The following MCTP2 variants were observed in gnomAD, a reference collection of about 807,000 sequenced individuals.
The protein encoded by MCTP2 is multiple C2 and transmembrane domain-containing protein 2.
MCTP2 carries 132 observed loss-of-function variants against 111.6 expected under a neutral mutation model. The observed-to-expected ratio is 1.18, with a 90% CI of 1.03 to 1.37. The LOEUF (loss-of-function observed/expected upper bound fraction) is 1.37. Among genes scored for constraint, MCTP2 ranks in the 40% most tolerant of loss-of-function variants. The pLI is 0.00. For missense variants in MCTP2, 1,183 were observed against 1,067.9 expected, an observed-to-expected ratio of 1.11 and a Z score of -1.50; for synonymous variants, 395 against 387.7, an observed-to-expected ratio of 1.02 and a Z score of -0.22.
chr15:94,383,076 C>G (rs988949848), intron 12 of MCTP2, among the ~76,000 whole-genome samples: 52 of 152,100 alleles, frequency 3.4e-4, no homozygotes, highest in African/African-American at 1.2e-3. Context: ...GTTAAAAACT[C>G]TGACCTTTAT....
intron 12 of MCTP2, among the ~76,000 whole-genome samples, chr15:94,381,665 A>G (rs2080145583): frequency 6.6e-6 from 1 of 152,218 alleles, no homozygotes; most frequent in Non-Finnish European, 1.5e-5. Flanking sequence ...GCTGACACCT[A>G]CTAATAGTCT....
chr15:94,425,905 C>T (rs991869689), intron 17 of MCTP2, among the ~76,000 whole-genome samples: 8 of 152,096 alleles, frequency 5.3e-5, no homozygotes, highest in African/African-American at 1.7e-4. Flanking sequence ...AAGGCTCAGG[C>T]AACTTTAGAG....
chr15:94,243,863 A>G (rs982107109), intron 1 of MCTP2, among the ~76,000 whole-genome samples: 1 of 147,494 alleles, frequency 6.8e-6, no homozygotes, highest in African/African-American at 2.5e-5. Context: ...GTATACACAT[A>G]CATATGTGTA....
At chr15:94,416,017 T>G (rs1351722665) in intron 17 of MCTP2, among the ~76,000 whole-genome samples, 2 of 152,126 alleles carry the variant, frequency 1.3e-5, no homozygotes, top group Non-Finnish European at 2.9e-5. Context: ...AAATTCATAG[T>G]CTGTGTTGCT....
At chr15:94,379,315 T>C (rs1403963815) in intron 12 of MCTP2, among the ~76,000 whole-genome samples, 1 of 151,958 alleles carries the variant, frequency 6.6e-6, no homozygotes, top group Non-Finnish European at 1.5e-5. Context: ...AATATAGATT[T>C]CCAGAACTGA....
At chr15:94,348,625 TAGGTG>T (rs2078131462) in intron 8 of MCTP2, among the ~76,000 whole-genome samples, 2 of 149,574 alleles carry the variant, frequency 1.3e-5, no homozygotes, top group South Asian at 4.3e-4. Flanking sequence ...TGTCATCTTC[TAGGTG>T]AATGCCCTCT....
rs527569219 is a variant in MCTP2 at position 94,309,102 on chromosome 15, C to A, written c.466-5180C>A. ...TACAAAAAAATAAGAACAGACTTGG[C>A]CGTTTAGTAGGCTTGATTGTCTTCT... is the stretch of plus-strand genomic sequence containing the variant. On this transcript the variant is annotated intron_variant, in intron 2 of 22. Coordinates refer to ENST00000357742, the MANE Select transcript of MCTP2 (RefSeq NM_001385001.1). Among the ~76,000 whole-genome samples, 10 of 152,236 alleles carry A rather than the reference C, an allele frequency of 6.6e-5. No individual in the cohort carries two copies. The South Asian group carries it at 1.2e-3, about 19-fold the overall frequency.
chr15:94,341,915 T>C (rs1165566961), intron 7 of MCTP2: 1 of 152,200 alleles, frequency 6.6e-6, no homozygotes, highest in Non-Finnish European at 1.5e-5. Context: ...GTATTTTTTC[T>C]CATCCCACCT....
intron 1 of MCTP2, among the ~76,000 whole-genome samples, chr15:94,279,920 T>G (rs767795965): frequency 7.5e-4 from 115 of 152,340 alleles, no homozygotes; most frequent in Non-Finnish European, 1.5e-3. Context: ...TTGATTTGCA[T>G]ACTTTGAACC....
chr15:94,275,730 T>C (rs1053112152), intron 1 of MCTP2, among the ~76,000 whole-genome samples: 1 of 152,180 alleles, frequency 6.6e-6, no homozygotes, highest in African/African-American at 2.4e-5. Context: ...ATTTAACCTT[T>C]CTTAAATCAA....
chr15:94,401,871 G>A lies in MCTP2; in HGVS notation c.1966-29G>A, dbSNP rs748967733. 1.9e-6 allele frequency: 3 copies of A among 1,580,254 alleles called. No homozygotes were observed. The Admixed American group carries it at 5.2e-5, about 28-fold the overall frequency. On this transcript the variant is annotated intron_variant, in intron 16 of 22. Transcript: ENST00000357742. The stretch of plus-strand genomic sequence containing the variant: ...GGAATATTTGTAGTATTTAAATCTA[G>A]TTTCCTGTTTGTCATTTTTTAAAAT...
At chr15:94,341,854 A>G (rs199504439) in intron 7 of MCTP2, 4 of 152,322 alleles carry the variant, frequency 2.6e-5, no homozygotes, top group East Asian at 3.9e-4. Flanking sequence ...TGACCTCAAT[A>G]AAAGAGATAT....
At chr15:94,270,878 A>G (rs1224950335) in intron 1 of MCTP2, among the ~76,000 whole-genome samples, 3 of 152,242 alleles carry the variant, frequency 2.0e-5, no homozygotes, top group African/African-American at 7.2e-5. Context: ...TGTCTCTTCC[A>G]AGTAGTACAT....
At chr15:94,245,503 T>G (rs1272466430) in intron 1 of MCTP2, among the ~76,000 whole-genome samples, 6 of 140,878 alleles carry the variant, frequency 4.3e-5, no homozygotes, top group African/African-American at 1.3e-4. Flanking sequence ...TGTATTTATA[T>G]ATGTATACAT....
At chr15:94,316,269 TTTTG>T (rs776025840) in intron 4 of MCTP2, among the ~76,000 whole-genome samples, 3 of 152,168 alleles carry the variant, frequency 2.0e-5, no homozygotes, top group African/African-American at 7.2e-5. Context: ...ATGTATAATG[TTTTG>T]TTTATCTATT....
intron 4 of MCTP2, among the ~76,000 whole-genome samples, chr15:94,337,506 A>T (rs903845584): frequency 6.8e-6 from 1 of 147,588 alleles, no homozygotes; most frequent in Non-Finnish European, 1.5e-5. Flanking sequence ...TTTTTTATAT[A>T]TATATATCAG....
chr15:94,232,687 C>T (rs2070271557), intron 1 of MCTP2, among the ~76,000 whole-genome samples: 1 of 152,218 alleles, frequency 6.6e-6, no homozygotes, highest in South Asian at 2.1e-4. Context: ...TTATTCCTCA[C>T]AGGTGGGTGT....
Position 94,399,008 on chromosome 15 carries a change from A to G in MCTP2, c.1836A>G (p.Leu612=), listed in dbSNP as rs1334688023. ...PNCYVLKNKD[L]EQAFKGVIYL... is the part of the protein sequence containing the mutation. ...GTTATGTACTAAAGAATAAAGATTT[A>G]GAACAAGCTTTTAAAGGAGTTATTT... Residue 612 remains leucine (L), a synonymous_variant, in exon 15 of 23, where the codon TTA becomes TTG. Coordinates refer to ENST00000357742, the MANE Select transcript of MCTP2 (RefSeq NM_001385001.1). 6.4e-7 allele frequency: 1 copy of G among 1,569,182 alleles called. No individual in the cohort carries two copies. Among genetic ancestry groups the G allele is most frequent in the Admixed American group, 1.7e-5 (1 of 59,862 alleles).
intron 7 of MCTP2, chr15:94,344,064 CAAAA>C (rs11317966): frequency 6.5e-5 from 9 of 138,194 alleles, no homozygotes; most frequent in Admixed American, 5.8e-4. Context: ...CAGGAAAATA[CAAAA>C]AAAAAAAACA....
Sources: gnomAD v4.1 joint callset for allele counts (sites outside exome capture counted in the v4.1 genomes callset) on GRCh38, gnomAD v4.1.1 for gene constraint, MANE v1.5 for transcripts, NCBI Gene and HGNC (gene_info 2026-07-23, HGNC 2026-07-21) for gene names.